The following PCDHGA11 variants were observed in gnomAD, a reference collection of about 807,000 sequenced individuals.
The protein encoded by PCDHGA11 is protocadherin gamma subfamily A, 11.
A neutral mutation model predicts 60.4 loss-of-function variants in PCDHGA11; 39 were observed. The observed-to-expected ratio is 0.65, with a 90% CI of 0.50 to 0.84. The LOEUF is 0.84. Ranked by LOEUF, PCDHGA11 falls within the 40% of genes least tolerant of loss-of-function variation. PCDHGA11 has a pLI of 0.00. For synonymous variants in PCDHGA11, 533 were observed against 510.3 expected, an observed-to-expected ratio of 1.04 and a Z score of -0.60; for missense variants, 1,165 against 1,197.7, an observed-to-expected ratio of 0.97 and a Z score of 0.40.
chr5:141,421,280 G>A lies in PCDHGA11; in HGVS notation c.53G>A (p.Cys18Tyr), dbSNP rs564480755. 2 of 1,612,948 alleles carry A rather than the reference G, an allele frequency of 1.2e-6. No individual in the cohort carries two copies. The highest frequency in any genetic ancestry group is 2.2e-5 in the South Asian group (2 of 91,060). The change falls in exon 1 of 4, where the codon TGC (cysteine) becomes TAC (tyrosine). Residue 18 changes from cysteine to tyrosine, a missense_variant. By Grantham distance (194) the Cys-to-Tyr change is radical. Transcript: ENST00000398587. ...GDRSRLLLLL[C>Y]IFLGTLRGFR... ...CGCAGTCGGCTGCTGCTGCTGCTGT[G>A]CATTTTCCTGGGGACGCTGCGGGGG...
intron 1 of PCDHGA11, among the ~76,000 whole-genome samples, chr5:141,462,030 T>C (rs1283795051): frequency 3.9e-5 from 6 of 152,122 alleles, no homozygotes; most frequent in Non-Finnish European, 8.8e-5. Flanking sequence ...TTCATGTTGG[T>C]CAGGCGGGTC....
intron 1 of PCDHGA11, among the ~76,000 whole-genome samples, chr5:141,456,968 A>AAAAC (rs202005606): frequency 1.3e-4 from 20 of 152,282 alleles, no homozygotes; most frequent in Middle Eastern, 3.4e-3. Flanking sequence ...ATCTCAAAAC[A>AAAAC]AAACAAACAA....
In PCDHGA11 at chr5:141,491,729, C is replaced by T. The variant is rs766649819; in HGVS notation, c.2434-3078C>T. On this transcript the variant is annotated intron_variant, in intron 1 of 3. Coordinates refer to ENST00000398587, the MANE Select transcript of PCDHGA11 (RefSeq NM_018914.3). This position sits in a 1 kb window ranked among gnomAD's most constrained non-coding sequence, Gnocchi z 6.9. ...AGGGGCTCGGCGCCGCCCCGGGCGA[C>T]CCCTGGGGGCGGCACTGGAGAAGCC... 6.1e-5 allele frequency: 98 copies of T among 1,603,832 alleles called. No homozygotes were observed. Among genetic ancestry groups the T allele is most frequent in the Non-Finnish European group, 7.9e-5 (93 of 1,175,848 alleles).
intron 2 of PCDHGA11, among the ~76,000 whole-genome samples, chr5:141,497,859 G>A (rs188372194): frequency 2.0e-4 from 31 of 152,134 alleles, no homozygotes; most frequent in Middle Eastern, 6.8e-3. Context: ...TTGATTCAGC[G>A]GCTCCAAAGT....
intron 2 of PCDHGA11, among the ~76,000 whole-genome samples, chr5:141,499,689 CTTTTT>C (rs545067566): frequency 3.3e-5 from 4 of 119,852 alleles, no homozygotes; most frequent in Non-Finnish European, 3.5e-5. Flanking sequence ...TAACAGATGA[CTTTTT>C]TTTTTTTTTT....
intron 1 of PCDHGA11, among the ~76,000 whole-genome samples, chr5:141,460,640 TGTTTACACATA>T (rs2098994223): frequency 6.6e-6 from 1 of 152,096 alleles, no homozygotes; most frequent in Admixed American, 6.6e-5. Flanking sequence ...TATATAACTG[TGTTTACACATA>T]TGTAACTGTA....
chr5:141,433,406 TTA>T (rs2097606059), intron 1 of PCDHGA11, among the ~76,000 whole-genome samples: 1 of 149,982 alleles, frequency 6.7e-6, no homozygotes. Flanking sequence ...TATCTATCTA[TTA>T]CTTTCTTGTA....
intron 1 of PCDHGA11, chr5:141,478,239 C>T: frequency 1.2e-6 from 2 of 1,614,132 alleles, no homozygotes; most frequent in Non-Finnish European, 1.7e-6. Context: ...TTTGTGGTCA[C>T]AGTGTTCGGA....
intron 2 of PCDHGA11, among the ~76,000 whole-genome samples, chr5:141,502,944 A>G (rs1447378539): frequency 1.4e-5 from 2 of 145,406 alleles, no homozygotes; most frequent in Non-Finnish European, 1.5e-5. Context: ...CCTGGGTTCA[A>G]GCGATTCTCC....
At chr5:141,474,398 C>A (rs1381347745) in intron 1 of PCDHGA11, among the ~76,000 whole-genome samples, 3 of 152,212 alleles carry the variant, frequency 2.0e-5, no homozygotes, top group Non-Finnish European at 4.4e-5. Context: ...TTCTAACAAG[C>A]TCCCCGGTGA....
At chr5:141,438,538 A>G (rs950527053) in intron 1 of PCDHGA11, among the ~76,000 whole-genome samples, 2 of 145,166 alleles carry the variant, frequency 1.4e-5, no homozygotes, top group African/African-American at 2.6e-5. Context: ...CTTTTCCTCT[A>G]TATCTAAGCC....
At chr5:141,498,919 C>A (rs897611505) in intron 2 of PCDHGA11, among the ~76,000 whole-genome samples, 1 of 122,240 alleles carries the variant, frequency 8.2e-6, no homozygotes. Context: ...GGTGACAGAG[C>A]GAGACTCCAT....
chr5:141,485,124 C>T lies in PCDHGA11; in HGVS notation c.2434-9683C>T. The T allele has an allele frequency of 7.2e-7, 1 of 1,390,146 alleles. No individual in the cohort carries two copies. The highest frequency in any genetic ancestry group is 1.0e-6 in the Non-Finnish European group (1 of 990,090). The allele number at this position is 1,390,146 out of a possible 1,614,324, so 86.1% of individuals were successfully genotyped here. ...GCTGCTGTGGCTGTTTGGGGCGGGT[C>T]GGCTTCATCCGCGTCTCAGGAGCAA... On this transcript the variant is annotated intron_variant, in intron 1 of 3. Coordinates refer to ENST00000398587, the MANE Select transcript of PCDHGA11 (RefSeq NM_018914.3). The surrounding 1 kb of genome is among the most constrained non-coding windows in gnomAD (Gnocchi z 5.7).
intron 2 of PCDHGA11, 99 bp from the exon 3 acceptor site, chr5:141,505,294 G>T: frequency 6.4e-7 from 1 of 1,572,086 alleles, no homozygotes; most frequent in Non-Finnish European, 8.6e-7. Context: ...GCATGGGGTA[G>T]GGTTAGGGTA....
At chr5:141,473,907 C>A (rs552055360) in intron 1 of PCDHGA11, among the ~76,000 whole-genome samples, 1 of 152,102 alleles carries the variant, frequency 6.6e-6, no homozygotes. Flanking sequence ...ATGAAGAGGT[C>A]TTAAGAAAAC....
chr5:141,505,246 G>C, intron 2 of PCDHGA11, 147 bp from the exon 3 acceptor site: 2 of 1,436,674 alleles, frequency 1.4e-6, no homozygotes, highest in Non-Finnish European at 1.9e-6. Flanking sequence ...AAGGATTGTA[G>C]AAGTGCCTCC....
At chr5:141,469,743 A>G (rs1166798506) in intron 1 of PCDHGA11, among the ~76,000 whole-genome samples, 1 of 152,252 alleles carries the variant, frequency 6.6e-6, no homozygotes, top group Non-Finnish European at 1.5e-5. Context: ...CACCTCAAAA[A>G]TTACAAAAAT....
rs1288507078 is a variant in PCDHGA11 at position 141,476,171 on chromosome 5, G to A, written c.2434-18636G>A. On this transcript the variant is annotated intron_variant, in intron 1 of 3. Transcript: ENST00000398587. This position sits in a 1 kb window ranked among gnomAD's most constrained non-coding sequence, Gnocchi z 7.6. ...GGTAAGCACCGGGAGGGTAGTGGGA[G>A]TTTTGCTTCTGCTTGGTGCCTTGAA... The A allele has an allele frequency of 1.2e-6, 2 of 1,613,442 alleles. No individual in the cohort carries two copies. The highest frequency in any genetic ancestry group is 1.7e-6 in the Non-Finnish European group (2 of 1,179,978).
Position 141,490,311 on chromosome 5 carries a change from C to T in PCDHGA11, c.2434-4496C>T. 6.2e-7 allele frequency: 1 copy of T among 1,614,200 alleles called. No individual in the cohort carries two copies. The highest frequency in any genetic ancestry group is 8.5e-7 in the Non-Finnish European group (1 of 1,180,018). On this transcript the variant is annotated intron_variant, in intron 1 of 3. Coordinates refer to ENST00000398587, the MANE Select transcript of PCDHGA11 (RefSeq NM_018914.3). This position sits in a 1 kb window ranked among gnomAD's most constrained non-coding sequence, Gnocchi z 5.4. ...AGGTGCTATTGGCCTCTTTGGCCAA[C>T]CCTGTCCTAGAGAGCACACCAGTGG...
Sources: gnomAD v4.1 joint callset for allele counts (sites outside exome capture counted in the v4.1 genomes callset) on GRCh38, gnomAD v4.1.1 for gene constraint, Gnocchi (gnomAD v3.1) non-coding constraint, MANE v1.5 for transcripts, NCBI Gene and HGNC (gene_info 2026-07-23, HGNC 2026-07-21) for gene names.